The following LHCGR variants were observed in gnomAD, a reference collection of about 807,000 sequenced individuals.
LHCGR encodes lutropin-choriogonadotropic hormone receptor.
LHCGR carries 55 observed loss-of-function variants against 60.7 expected under a neutral mutation model. That is an observed-to-expected ratio of 0.91 (90% CI 0.73 to 1.13). The LOEUF is 1.13. Ranked by LOEUF, LHCGR falls within the 50% of genes most tolerant of loss-of-function variation. The pLI, the probability that LHCGR is intolerant of heterozygous loss-of-function variation, is 0.00. For synonymous variants in LHCGR, 337 were observed against 316.5 expected, an observed-to-expected ratio of 1.06 and a Z score of -0.69; for missense variants, 862 against 836.0, an observed-to-expected ratio of 1.03 and a Z score of -0.38.
chr2:48,706,656 A>G (rs1193235530), intron 8 of LHCGR, among the ~76,000 whole-genome samples: 1 of 152,132 alleles, frequency 6.6e-6, no homozygotes, highest in Non-Finnish European at 1.5e-5. Context: ...AATGACTGAT[A>G]TCATTTCTTC....
intron 1 of LHCGR, among the ~76,000 whole-genome samples, chr2:48,740,877 A>T (rs1669418095): frequency 6.6e-6 from 1 of 152,234 alleles, no homozygotes; most frequent in African/African-American, 2.4e-5. Context: ...AAGGCTTCAG[A>T]CAATCAAATT....
intron 8 of LHCGR, among the ~76,000 whole-genome samples, chr2:48,706,621 G>A (rs925391679): frequency 6.6e-6 from 1 of 151,918 alleles, no homozygotes; most frequent in African/African-American, 2.4e-5. Flanking sequence ...TTGTCTTCTT[G>A]CTTTATTTCA....
At chr2:48,739,749 A>G (rs1422558130) in intron 1 of LHCGR, among the ~76,000 whole-genome samples, 1 of 152,168 alleles carries the variant, frequency 6.6e-6, no homozygotes, top group Non-Finnish European at 1.5e-5. Flanking sequence ...CCAACATGGC[A>G]CATGTATACA....
At chr2:48,715,065 C>T (rs560811463) in intron 6 of LHCGR, among the ~76,000 whole-genome samples, 6 of 152,218 alleles carry the variant, frequency 3.9e-5, no homozygotes, top group African/African-American at 1.2e-4. Context: ...GATTGTATTT[C>T]GTGTCGTGTT....
chr2:48,755,628 A>AGCAGCAGCTTCAGCAGCT lies in LHCGR; in HGVS notation c.26_43dup (p.Gln9_Leu14dup), dbSNP rs1164921895. On this transcript the variant is annotated inframe_insertion, in exon 1 of 11. Transcript: ENST00000294954. ...TCGTGGCAGCGGCGGCTGCAGCAGC[A>AGCAGCAGCTTCAGCAGCT]GCAGCAGCTTCAGCAGCTGCAGCGC... The AGCAGCAGCTTCAGCAGCT allele has an allele frequency of 3.6e-5, 56 of 1,535,478 alleles. No individual in the cohort carries two copies. The highest frequency in any genetic ancestry group is 4.7e-5 in the Non-Finnish European group (54 of 1,145,652).
chr2:48,733,038 G>A (rs990526644), intron 1 of LHCGR: 3 of 517,608 alleles, frequency 5.8e-6, no homozygotes, highest in South Asian at 4.4e-5. Context: ...TTGGCTTCCT[G>A]ATTAAAAACA....
chr2:48,724,349 A>T (rs1170381051), intron 4 of LHCGR, among the ~76,000 whole-genome samples: 2 of 152,204 alleles, frequency 1.3e-5, no homozygotes, highest in Non-Finnish European at 2.9e-5. Context: ...TATTACAAGA[A>T]TGGGGCTCCC....
chr2:48,699,532 C>A (rs1433180480), intron 8 of LHCGR, among the ~76,000 whole-genome samples: 1 of 152,196 alleles, frequency 6.6e-6, no homozygotes, highest in Non-Finnish European at 1.5e-5. Flanking sequence ...TTATTCAGGG[C>A]TTCAGATGCC....
chr2:48,740,334 C>T (rs12472551), intron 1 of LHCGR, among the ~76,000 whole-genome samples: 1 of 152,116 alleles, frequency 6.6e-6, no homozygotes, highest in South Asian at 2.1e-4. Flanking sequence ...CTGGGTGGAG[C>T]CCACCACAGC....
intron 4 of LHCGR, among the ~76,000 whole-genome samples, chr2:48,724,024 C>T (rs915639425): frequency 3.9e-5 from 6 of 152,114 alleles, no homozygotes; most frequent in African/African-American, 1.4e-4. Context: ...GTATTGCATT[C>T]CACTTTCTTT....
At chr2:48,738,034 C>T (rs1004943701) in intron 1 of LHCGR, among the ~76,000 whole-genome samples, 6 of 152,150 alleles carry the variant, frequency 3.9e-5, no homozygotes, top group Admixed American at 1.3e-4. Context: ...GGATGTTTGT[C>T]GATACACTCT....
chr2:48,736,796 A>G (rs946786171), intron 1 of LHCGR, among the ~76,000 whole-genome samples: 5 of 152,216 alleles, frequency 3.3e-5, no homozygotes, highest in African/African-American at 1.2e-4. Context: ...TGGGAGACAT[A>G]TGCACTATCA....
rs1487824214 is a variant in LHCGR, at chr2:48,749,798, G to T, written c.161+5713C>A. On this transcript the variant is annotated intron_variant, in intron 1 of 10. Coordinates refer to ENST00000294954, the MANE Select transcript of LHCGR (RefSeq NM_000233.4). ...AGGGAGCTGGGTCCAATGCCAAAGA[G>T]ATCTGTGTGTGAACCTTTTGGCTCT... Among the ~76,000 whole-genome samples, 4 of 151,866 alleles carry T rather than the reference G, an allele frequency of 2.6e-5. No homozygotes were observed. The South Asian group carries it at 8.3e-4, about 32-fold the overall frequency.
At chr2:48,703,311 C>T (rs1313204563) in intron 8 of LHCGR, among the ~76,000 whole-genome samples, 3 of 152,172 alleles carry the variant, frequency 2.0e-5, no homozygotes, top group African/African-American at 4.8e-5. Flanking sequence ...GCTTTTGTTG[C>T]CATTGCTTTT....
intron 10 of LHCGR, among the ~76,000 whole-genome samples, chr2:48,689,725 T>G (rs34757099): frequency 6.6e-6 from 1 of 151,040 alleles, no homozygotes; most frequent in Non-Finnish European, 1.5e-5. Context: ...CTCTCTCTCT[T>G]TTTTTTTTGA....
At chr2:48,726,794 A>G (rs1668748859) in intron 3 of LHCGR, among the ~76,000 whole-genome samples, 1 of 152,168 alleles carries the variant, frequency 6.6e-6, no homozygotes, top group South Asian at 2.1e-4. Context: ...GTTGTTTTTG[A>G]GGAATAAATA....
intron 6 of LHCGR, chr2:48,720,001 T>A (rs1253363470): frequency 6.6e-6 from 1 of 152,154 alleles, no homozygotes; most frequent in East Asian, 1.9e-4. Context: ...CCCTTCCAGA[T>A]GAAGGGCCAA....
chr2:48,755,367 A>G, intron 1 of LHCGR, 144 bp downstream of exon 1: 1 of 623,038 alleles, frequency 1.6e-6, no homozygotes, highest in Non-Finnish European at 2.8e-6. Flanking sequence ...CATCACCCTA[A>G]AACGTGGGGG....
intron 1 of LHCGR, among the ~76,000 whole-genome samples, chr2:48,732,401 T>A (rs1669034973): frequency 6.6e-6 from 1 of 152,308 alleles, no homozygotes; most frequent in Admixed American, 6.5e-5. Flanking sequence ...ACCTCCATGA[T>A]GGGCAGATGA....
Sources: allele counts gnomAD v4.1 joint callset (sites outside exome capture counted in the v4.1 genomes callset), GRCh38; gene constraint gnomAD v4.1.1; transcripts MANE v1.5; gene names NCBI Gene and HGNC (gene_info 2026-07-23, HGNC 2026-07-21).